IL23R: variants seen among roughly 807,000 people sequenced by gnomAD.
IL23R encodes interleukin 23 receptor.
Under a neutral mutation model 56.9 loss-of-function variants are expected in IL23R, and 34 were observed. The observed-to-expected ratio is 0.60, with a 90% CI of 0.45 to 0.80. IL23R has a LOEUF of 0.80. IL23R is among the 30% of genes least tolerant of loss of function. The pLI, the probability that IL23R is intolerant of heterozygous loss-of-function variation, is 0.00. For synonymous variants in IL23R, 230 were observed against 249.2 expected, an observed-to-expected ratio of 0.92 and a Z score of 0.73; for missense variants, 635 against 730.0, an observed-to-expected ratio of 0.87 and a Z score of 1.50.
At chr1:67,257,806 C>A (rs1225133323) in intron 10 of IL23R, among the ~76,000 whole-genome samples, 1 of 152,162 alleles carries the variant, frequency 6.6e-6, no homozygotes, top group Non-Finnish European at 1.5e-5. Context: ...CGGGCTCAAG[C>A]AATTCTCCTG....
intron 4 of IL23R, among the ~76,000 whole-genome samples, chr1:67,184,986 C>A (rs776584867): frequency 6.6e-6 from 1 of 152,122 alleles, no homozygotes; most frequent in African/African-American, 2.4e-5. Flanking sequence ...AGGACACAAC[C>A]AGAAGGTGCT....
downstream of IL23R, among the ~76,000 whole-genome samples, chr1:67,262,172 T>C (rs1006130907): frequency 1.3e-5 from 2 of 152,154 alleles, no homozygotes; most frequent in South Asian, 2.1e-4. Flanking sequence ...CTTACTGTTA[T>C]ATGTGCAAGG....
At chr1:67,174,965 T>C (rs79827191) in intron 3 of IL23R, among the ~76,000 whole-genome samples, 3,208 of 151,654 alleles carry the variant, frequency 0.021, 101 homozygotes, top group African/African-American at 0.074. Context: ...AGTGTGCTTC[T>C]TTTACAGTGG....
intron 6 of IL23R, among the ~76,000 whole-genome samples, chr1:67,217,327 C>A (rs1467438605): frequency 2.6e-5 from 4 of 152,132 alleles, no homozygotes; most frequent in Non-Finnish European, 4.4e-5. Context: ...AAGATATCAT[C>A]CTGAGGTATC....
chr1:67,200,547 C>T (rs959822640), intron 4 of IL23R, among the ~76,000 whole-genome samples, 190 bp from the exon 5 acceptor site: 3 of 151,138 alleles, frequency 2.0e-5, no homozygotes, highest in Non-Finnish European at 4.4e-5. Context: ...CACATGCCAC[C>T]AATTATTGTA....
chr1:67,265,773 G>A, the IL23R span, among the ~76,000 whole-genome samples: 8 of 152,116 alleles, frequency 5.3e-5, no homozygotes, highest in African/African-American at 1.9e-4. Context: ...AGGTGTGGTG[G>A]TGTGCTCCTG....
At chr1:67,207,646 A>AG (rs1649173487) in intron 6 of IL23R, 1 of 402,910 alleles carries the variant, frequency 2.5e-6, no homozygotes, top group African/African-American at 2.1e-5. Context: ...CTAAGTAAGA[A>AG]GAGCCTTTTG....
rs1647162035 is a variant in IL23R at position 67,182,492 on chromosome 1, G to C, written c.368-344G>C. On this transcript the variant is annotated intron_variant, in intron 3 of 10. Transcript: ENST00000347310. ...TTGCTGAGACTGTCGGAAAAGTGCA[G>C]TATTAGGGTGGGAGTGACCCTATTT... is the stretch of plus-strand genomic sequence containing the variant. Among the ~76,000 whole-genome samples the C allele has an allele frequency of 2.0e-5, 3 of 152,190 alleles. No individual in the cohort carries two copies. The South Asian group carries it at 6.2e-4, about 31-fold the overall frequency.
At chr1:67,212,613 T>C (rs1021831711) in intron 6 of IL23R, among the ~76,000 whole-genome samples, 1 of 151,142 alleles carries the variant, frequency 6.6e-6, no homozygotes, top group Non-Finnish European at 1.5e-5. Context: ...TGGCGCAATC[T>C]CAGCTCACTG....
chr1:67,217,213 A>C (rs1014727909), intron 6 of IL23R, among the ~76,000 whole-genome samples: 1 of 152,230 alleles, frequency 6.6e-6, no homozygotes, highest in Non-Finnish European at 1.5e-5. Context: ...TGAGGCTCTA[A>C]GTAGAAATGG....
intron 1 of IL23R, among the ~76,000 whole-genome samples, chr1:67,158,798 C>T (rs142511320): frequency 1.6e-3 from 241 of 151,598 alleles, no homozygotes; most frequent in African/African-American, 5.7e-3. Context: ...GGAGGAGGGG[C>T]CTGGTGGGAG....
chr1:67,214,926 T>C (rs1307916178), intron 6 of IL23R, among the ~76,000 whole-genome samples: 3 of 152,198 alleles, frequency 2.0e-5, no homozygotes, highest in Admixed American at 1.3e-4. Flanking sequence ...TAGAAAGCGA[T>C]GTTATTCATA....
chr1:67,241,104 A>G (rs1651823282), intron 9 of IL23R, among the ~76,000 whole-genome samples: 5 of 152,246 alleles, frequency 3.3e-5, no homozygotes, highest in Admixed American at 3.3e-4. Flanking sequence ...AGTCCTTCTC[A>G]GATCATATTT....
At chr1:67,246,227 GTCTA>G (rs1250376209) in intron 9 of IL23R, among the ~76,000 whole-genome samples, 8 of 152,090 alleles carry the variant, frequency 5.3e-5, no homozygotes, top group Non-Finnish European at 7.4e-5. Flanking sequence ...CTGGCTAGCA[GTCTA>G]TCTATTTTGT....
At chr1:67,156,811 G>A (rs1357216746) in intron 1 of IL23R, among the ~76,000 whole-genome samples, 2 of 152,166 alleles carry the variant, frequency 1.3e-5, no homozygotes, top group African/African-American at 4.8e-5. Flanking sequence ...CCTTTCCAGG[G>A]CAGTGGATGG....
Position 67,139,609 on chromosome 1 carries a change from C to G in IL23R, c.-634+448C>G, listed in dbSNP as rs541246998. On this transcript the variant is annotated intron_variant, in intron 1 of 10. Coordinates refer to the IL23R transcript ENST00000637002. ...TAAAGATCACAACAGTAAACATATT[C>G]ATTTGTATAGCATCTGCTACAGTTT... is the stretch of plus-strand genomic sequence containing the variant. Among the ~76,000 whole-genome samples the G allele has an allele frequency of 3.2e-3, 489 of 152,308 alleles. 5 individuals carry two copies. Among genetic ancestry groups the G allele is most frequent in the African/African-American group, 0.012 (481 of 41,554 alleles).
At chr1:67,228,365 T>A (rs1298757445) in intron 7 of IL23R, among the ~76,000 whole-genome samples, 68 of 68,778 alleles carry the variant, frequency 9.9e-4, no homozygotes, top group African/African-American at 4.5e-3. Flanking sequence ...TTTTCTTCCT[T>A]TTTTTTTTTT....
chr1:67,176,683 G>A (rs147662306), intron 3 of IL23R, among the ~76,000 whole-genome samples: 3,214 of 152,012 alleles, frequency 0.021, 102 homozygotes, highest in African/African-American at 0.073. Context: ...TGTGCACAAC[G>A]TGCAGGCTTG....
chr1:67,174,246 G>A (rs1363905662), intron 3 of IL23R, among the ~76,000 whole-genome samples: 1 of 151,236 alleles, frequency 6.6e-6, no homozygotes, highest in African/African-American at 2.4e-5. Flanking sequence ...TCTCCATAAA[G>A]GCTGTACCAA....
Sources: allele counts gnomAD v4.1 joint callset (sites outside exome capture counted in the v4.1 genomes callset), GRCh38; gene constraint gnomAD v4.1.1; transcripts MANE v1.5; gene names NCBI Gene and HGNC (gene_info 2026-07-23, HGNC 2026-07-21).